SEMA5A: variants seen among roughly 807,000 people sequenced by gnomAD.
SEMA5A encodes the protein semaphorin-5A.
SEMA5A carries 55 observed loss-of-function variants against 135.5 expected under a neutral mutation model. That is an observed-to-expected ratio of 0.41 (90% CI 0.33 to 0.51). The LOEUF (loss-of-function observed/expected upper bound fraction) is 0.51. Ranked by LOEUF, SEMA5A falls within the 20% of genes least tolerant of loss-of-function variation. The pLI is 0.37. For synonymous variants in SEMA5A, 580 were observed against 546.5 expected, an observed-to-expected ratio of 1.06 and a Z score of -0.85; for missense variants, 1,290 against 1,419.9, an observed-to-expected ratio of 0.91 and a Z score of 1.47.
intron 5 of SEMA5A, among the ~76,000 whole-genome samples, chr5:9,280,315 T>C (rs754392015): frequency 5.3e-5 from 8 of 152,144 alleles, no homozygotes; most frequent in Admixed American, 1.3e-4. Flanking sequence ...ATCTTGTCAA[T>C]GAATAATAGA....
At chr5:9,314,416 T>C (rs947473871) in intron 5 of SEMA5A, among the ~76,000 whole-genome samples, 2 of 151,238 alleles carry the variant, frequency 1.3e-5, no homozygotes, top group Non-Finnish European at 2.9e-5. Flanking sequence ...TTTCTTACAA[T>C]GATTCTATGC....
chr5:9,341,943 A>G (rs955076028), intron 3 of SEMA5A, among the ~76,000 whole-genome samples: 5 of 151,498 alleles, frequency 3.3e-5, no homozygotes, highest in African/African-American at 1.2e-4. Flanking sequence ...GTATAATTCC[A>G]TTTTTTTTAA....
At chr5:9,201,056 A>T (rs1399158592) in intron 9 of SEMA5A, among the ~76,000 whole-genome samples, 1 of 152,210 alleles carries the variant, frequency 6.6e-6, no homozygotes, top group South Asian at 2.1e-4. Flanking sequence ...GCATACAAAT[A>T]TTCAGCTTTT....
At chr5:9,096,225 A>G (rs1739303724) in intron 16 of SEMA5A, among the ~76,000 whole-genome samples, 1 of 151,986 alleles carries the variant, frequency 6.6e-6, no homozygotes, top group African/African-American at 2.4e-5. Context: ...CATGTAGCAA[A>G]TTTCTGAATA....
At chr5:9,513,326 G>A (rs1458838140) in intron 1 of SEMA5A, among the ~76,000 whole-genome samples, 5 of 151,920 alleles carry the variant, frequency 3.3e-5, no homozygotes, top group African/African-American at 1.2e-4. Flanking sequence ...CCTATCATTG[G>A]ATTTCACCCA....
chr5:9,134,256 C>CCACAT (rs1355685505), intron 13 of SEMA5A, among the ~76,000 whole-genome samples: 1 of 152,168 alleles, frequency 6.6e-6, no homozygotes, highest in Non-Finnish European at 1.5e-5. Flanking sequence ...AGCAATCCTC[C>CCACAT]CACATCAGCC....
At chr5:9,049,550 C>CA (rs1736455114) in intron 21 of SEMA5A, among the ~76,000 whole-genome samples, 1 of 152,228 alleles carries the variant, frequency 6.6e-6, no homozygotes. Flanking sequence ...CTTCAGGTTC[C>CA]ATGTGAACAT....
chr5:9,223,223 A>G (rs1005391272), intron 8 of SEMA5A, among the ~76,000 whole-genome samples: 6 of 152,196 alleles, frequency 3.9e-5, no homozygotes, highest in Non-Finnish European at 5.9e-5. Flanking sequence ...CAATAGAGTC[A>G]TTTAGTTTAC....
At chr5:9,453,547 G>A (rs1031803416) in intron 1 of SEMA5A, among the ~76,000 whole-genome samples, 2 of 152,130 alleles carry the variant, frequency 1.3e-5, no homozygotes, top group African/African-American at 4.8e-5. Context: ...GCCTTGTTCA[G>A]GCATCAATTA....
At chr5:9,056,716 A>T (rs1196574727) in intron 18 of SEMA5A, among the ~76,000 whole-genome samples, 1 of 152,218 alleles carries the variant, frequency 6.6e-6, no homozygotes, top group Admixed American at 6.5e-5. Flanking sequence ...GCGAGACTCC[A>T]TCACAAAATA....
At chr5:9,392,879 T>C (rs761545455) in intron 2 of SEMA5A, among the ~76,000 whole-genome samples, 1 of 152,232 alleles carries the variant, frequency 6.6e-6, no homozygotes, top group African/African-American at 2.4e-5. Flanking sequence ...CACTTTATTT[T>C]AGCCATTGAG....
intron 1 of SEMA5A, chr5:9,511,896 C>A (rs952065741): frequency 2.6e-5 from 4 of 152,062 alleles, no homozygotes; most frequent in African/African-American, 7.2e-5. Context: ...AATTTGAGGG[C>A]AAGTTATGAT....
chr5:9,531,695 G>A (rs1737450003), intron 1 of SEMA5A, among the ~76,000 whole-genome samples: 1 of 152,092 alleles, frequency 6.6e-6, no homozygotes, highest in Non-Finnish European at 1.5e-5. Context: ...CCAGGACAAG[G>A]GACACCCAAC....
chr5:9,298,256 A>C (rs1751438903), intron 5 of SEMA5A, among the ~76,000 whole-genome samples: 1 of 152,232 alleles, frequency 6.6e-6, no homozygotes, highest in Admixed American at 6.5e-5. Context: ...GAAGACATGC[A>C]GGAGAAGATG....
chr5:9,532,488 A>T (rs1312250264), intron 1 of SEMA5A, among the ~76,000 whole-genome samples: 1 of 130,670 alleles, frequency 7.7e-6, no homozygotes, highest in Non-Finnish European at 1.6e-5. Context: ...GGGTTTTGCC[A>T]TGTTGGCCAG....
intron 1 of SEMA5A, among the ~76,000 whole-genome samples, chr5:9,526,061 C>G (rs1737105118): frequency 6.6e-6 from 1 of 152,066 alleles, no homozygotes; most frequent in African/African-American, 2.4e-5. Context: ...GAAAAGTAAT[C>G]AAAAGGAGCC....
At chr5:9,246,015 G>A (rs1286654303) in intron 5 of SEMA5A, among the ~76,000 whole-genome samples, 2 of 152,088 alleles carry the variant, frequency 1.3e-5, no homozygotes, top group African/African-American at 2.4e-5. Context: ...ACAGTATCAA[G>A]GACATTATAA....
At chr5:9,220,572 A>G (rs1554005484) in intron 8 of SEMA5A, among the ~76,000 whole-genome samples, 1 of 152,236 alleles carries the variant, frequency 6.6e-6, no homozygotes, top group African/African-American at 2.4e-5. Flanking sequence ...AAAATTTGGT[A>G]TAGATGGGAA....
chr5:9,246,964 C>G (rs1748512986), intron 5 of SEMA5A, among the ~76,000 whole-genome samples: 4 of 152,086 alleles, frequency 2.6e-5, no homozygotes, highest in Admixed American at 6.6e-5. Flanking sequence ...AGAAATTTCA[C>G]AGTTATATGC....
Sources: allele counts gnomAD v4.1 joint callset (sites outside exome capture counted in the v4.1 genomes callset), GRCh38; gene constraint gnomAD v4.1.1; transcripts MANE v1.5; gene names NCBI Gene and HGNC (gene_info 2026-07-23, HGNC 2026-07-21).